Variants in LEKR1 observed in about 807,000 individuals in gnomAD.
LEKR1 encodes leucine, glutamate and lysine rich 1, also known as protein LEKR1.
Under a neutral mutation model 72.4 loss-of-function variants are expected in LEKR1, and 59 were observed. The ratio of observed to expected loss-of-function variants is 0.82; its 90% confidence interval spans 0.66 to 1.01. The LOEUF (loss-of-function observed/expected upper bound fraction) is 1.01. Among genes scored for constraint, LEKR1 ranks in the 50% least tolerant of loss-of-function variants. The probability of loss-of-function intolerance (pLI) is 0.00; values close to 1 mark genes in which losing one functional copy is unlikely to be tolerated. For synonymous variants in LEKR1, 257 were observed against 263.2 expected (o/e 0.98, Z 0.23); for missense variants, 728 against 759.2 (o/e 0.96, Z 0.48).
At chr3:156,829,433 A>C in intron 2 of LEKR1, 56 bp downstream of exon 2, 2 of 1,271,426 alleles carry the variant, frequency 1.6e-6, no homozygotes, top group Non-Finnish European at 1.1e-6. Flanking sequence ...CAGTTACATA[A>C]TTCTAAAACC....
chr3:156,870,642 C>CT (rs992424273), intron 3 of LEKR1, among the ~76,000 whole-genome samples: 3 of 152,040 alleles, frequency 2.0e-5, no homozygotes, highest in Non-Finnish European at 4.4e-5. Context: ...CAATTTGACT[C>CT]TTTTCCCAAT....
At chr3:157,023,639 G>A (rs1250136726) in intron 10 of LEKR1, among the ~76,000 whole-genome samples, 9 of 152,106 alleles carry the variant, frequency 5.9e-5, no homozygotes, top group African/African-American at 9.7e-5. Context: ...AAGGGAACTC[G>A]TTATAACCCT....
At chr3:156,993,304 A>T (rs1439759374) in intron 9 of LEKR1, 27 bp downstream of exon 9, 2 of 1,461,282 alleles carry the variant, frequency 1.4e-6, no homozygotes, top group South Asian at 2.5e-5. Flanking sequence ...TTTCTTACAA[A>T]AACATTTTAT....
Position 157,028,106 on chromosome 3 carries a change from T to A in LEKR1, c.1372T>A (p.Ser458Thr). 6.4e-7 allele frequency: 1 copy of A among 1,560,542 alleles called. No individual in the cohort carries two copies. The highest frequency in any genetic ancestry group is 1.2e-5 in the South Asian group (1 of 82,302). ...KEQEELQMKI[S>T]DLITGATRDL... The stretch of plus-strand genomic sequence containing the variant: ...TAATATGAGATTTATCTTACAGATA[T>A]CTGACTTAATCACAGGCGCTACAAG... Residue 458 changes from serine to threonine, a missense_variant, in exon 12 of 13, where the codon TCT (serine) becomes ACT (threonine). By Grantham distance (58) the Ser-to-Thr change is moderately conservative. Coordinates refer to ENST00000356539, the MANE Select transcript of LEKR1 (RefSeq NM_001004316.3).
chr3:156,864,157 C>T (rs1717063971), intron 3 of LEKR1, among the ~76,000 whole-genome samples: 1 of 151,976 alleles, frequency 6.6e-6, no homozygotes, highest in African/African-American at 2.4e-5. Flanking sequence ...TTCATTGCGT[C>T]CTGAAGTCTG....
intron 3 of LEKR1, among the ~76,000 whole-genome samples, chr3:156,859,622 G>T (rs1038806106): frequency 6.6e-6 from 1 of 152,034 alleles, no homozygotes; most frequent in Non-Finnish European, 1.5e-5. Context: ...TTTACATTAC[G>T]TTTTACTCTT....
intron 6 of LEKR1, among the ~76,000 whole-genome samples, chr3:156,961,926 A>G (rs1222705291): frequency 6.6e-6 from 1 of 152,200 alleles, no homozygotes; most frequent in Admixed American, 6.5e-5. Flanking sequence ...CCAAATGATT[A>G]TATTTAGTAT....
At chr3:157,033,340 A>G (rs1001433324) in intron 12 of LEKR1, among the ~76,000 whole-genome samples, 3 of 152,226 alleles carry the variant, frequency 2.0e-5, no homozygotes, top group Admixed American at 1.3e-4. Context: ...TTGTGAATGC[A>G]AAGGAAAAGT....
At chr3:157,016,039 C>T (rs1269935768) in intron 10 of LEKR1, among the ~76,000 whole-genome samples, 3 of 151,394 alleles carry the variant, frequency 2.0e-5, no homozygotes, top group Non-Finnish European at 4.4e-5. Flanking sequence ...GAATAGACTC[C>T]AAAACAAAAA....
At chr3:156,994,918 C>T (rs1731433777) in intron 9 of LEKR1, among the ~76,000 whole-genome samples, 1 of 152,214 alleles carries the variant, frequency 6.6e-6, no homozygotes, top group Admixed American at 6.5e-5. Context: ...TGAGAAGAAC[C>T]TGTCTTTGTC....
intron 6 of LEKR1, among the ~76,000 whole-genome samples, chr3:156,943,695 A>T (rs961818008): frequency 4.6e-5 from 7 of 151,850 alleles, no homozygotes; most frequent in Non-Finnish European, 7.4e-5. Flanking sequence ...GTCTGAGTAA[A>T]CACAGAAGAG....
At chr3:156,855,445 T>C (rs1384073780) in intron 3 of LEKR1, among the ~76,000 whole-genome samples, 1 of 152,224 alleles carries the variant, frequency 6.6e-6, no homozygotes, top group African/African-American at 2.4e-5. Context: ...CCTATACACA[T>C]ATATTGACCA....
chr3:156,829,357 T>G lies in LEKR1; in HGVS notation c.28T>G (p.Leu10Val). Residue 10 changes from leucine (L) to valine (V), a missense_variant, in exon 2 of 13, where the codon TTG (leucine) becomes GTG (valine). By Grantham distance (32) the Leu-to-Val change is conservative (BLOSUM62 1). Coordinates refer to ENST00000356539, the MANE Select transcript of LEKR1 (RefSeq NM_001004316.3). ...GGATCATCACATTCCCATGCATGCG[T>G]TGCCTGAAGAAATCCAAAAGGTATG... MDHHIPMHA[L>V]PEEIQKMLPE... 1.3e-6 allele frequency: 2 copies of G among 1,534,408 alleles called. No individual in the cohort carries two copies. The highest frequency in any genetic ancestry group is 2.4e-5 in the South Asian group (2 of 83,488).
At chr3:156,990,073 T>A (rs889084133) in intron 7 of LEKR1, among the ~76,000 whole-genome samples, 4 of 152,232 alleles carry the variant, frequency 2.6e-5, no homozygotes, top group Non-Finnish European at 5.9e-5. Flanking sequence ...AGATATCTCT[T>A]TAGCCTCCTT....
In LEKR1 at chr3:156,875,217, G is replaced by T. The variant is rs141010841; in HGVS notation, c.263+22235G>T. Among the ~76,000 whole-genome samples the T allele has an allele frequency of 1.4e-4, 22 of 151,938 alleles. No individual in the cohort carries two copies. In the East Asian group the frequency reaches 4.1e-3, roughly 28 times the overall value. On this transcript the variant is annotated intron_variant, in intron 3 of 12. Transcript: ENST00000356539. Reference sequence around the variant, plus strand: ...TATTATTTTTTGATTTTTTAATTACGGCCATTCTATCAGGAATAATATGGT... The same window carrying T: ...TATTATTTTTTGATTTTTTAATTACTGCCATTCTATCAGGAATAATATGGT...
At chr3:157,041,587 G>A (rs943451850) in intron 12 of LEKR1, among the ~76,000 whole-genome samples, 2 of 152,088 alleles carry the variant, frequency 1.3e-5, no homozygotes, top group Admixed American at 6.5e-5. Context: ...TCATCCCAAG[G>A]TGTGCCTCTC....
At chr3:157,028,664 C>G (rs780391158) in intron 12 of LEKR1, among the ~76,000 whole-genome samples, 2 of 152,136 alleles carry the variant, frequency 1.3e-5, no homozygotes, top group Non-Finnish European at 2.9e-5. Flanking sequence ...CTAGTTCTTT[C>G]TTGCAAATAA....
intron 12 of LEKR1, among the ~76,000 whole-genome samples, chr3:157,038,052 A>G (rs556906238): frequency 6.6e-6 from 1 of 152,160 alleles, no homozygotes; most frequent in African/African-American, 2.4e-5. Flanking sequence ...GTGTGATAGA[A>G]AGCCACCTAG....
At chr3:156,901,129 CTTGA>C (rs1377119419) in intron 3 of LEKR1, among the ~76,000 whole-genome samples, 1 of 152,120 alleles carries the variant, frequency 6.6e-6, no homozygotes, top group Non-Finnish European at 1.5e-5. Flanking sequence ...CTGTGCCTAG[CTTGA>C]TTATTACATA....
Sources: allele counts gnomAD v4.1 joint callset (sites outside exome capture counted in the v4.1 genomes callset), GRCh38; gene constraint gnomAD v4.1.1; transcripts MANE v1.5; gene names NCBI Gene and HGNC (gene_info 2026-07-23, HGNC 2026-07-21).